PHF3: variants seen among roughly 807,000 people sequenced by gnomAD.
PHF3 encodes PHD finger protein 3.
A neutral mutation model predicts 178.4 loss-of-function variants in PHF3; 41 were observed. That is an observed-to-expected ratio of 0.23 (90% CI 0.18 to 0.30). The LOEUF is 0.30. Ranked by LOEUF, PHF3 falls within the 10% of genes least tolerant of loss-of-function variation. PHF3 has a pLI of 1.00. For missense variants in PHF3, 2,346 were observed against 2,398.1 expected, an observed-to-expected ratio of 0.98 and a Z score of 0.45; for synonymous variants, 842 against 800.5, an observed-to-expected ratio of 1.05 and a Z score of -0.88.
At chr6:63,688,689 T>A (rs1582083939) in intron 4 of PHF3, among the ~76,000 whole-genome samples, 1 of 152,230 alleles carries the variant, frequency 6.6e-6, no homozygotes, top group Middle Eastern at 3.4e-3. Flanking sequence ...TTCTACTACT[T>A]TGATACATTG....
At position 63,720,966 on chromosome 6, in the gene PHF3, A is replaced by G; in HGVS notation, c.*7258A>G. The G allele has an allele frequency of 6.4e-7, 1 of 1,551,374 alleles. No individual in the cohort carries two copies. Among genetic ancestry groups the G allele is most frequent in the East Asian group, 2.4e-5 (1 of 40,894 alleles). On this transcript the variant is annotated 3_prime_UTR_variant, in exon 16 of 16. Coordinates refer to ENST00000262043, the MANE Select transcript of PHF3 (RefSeq NM_001370348.2). ...CACAGAGATTCTTTCTCCCAAGTTA[A>G]CTGCTATTTTCAAGGTCTGATTATG...
At chr6:63,703,332 A>T (rs925521859) in intron 10 of PHF3, among the ~76,000 whole-genome samples, 8 of 152,160 alleles carry the variant, frequency 5.3e-5, no homozygotes, top group Non-Finnish European at 8.8e-5. Flanking sequence ...GGAATGTTTT[A>T]ATTTTTGCTC....
At position 63,646,598 on chromosome 6, in the gene PHF3, T is replaced by C. The variant is rs1764793472; in HGVS notation, c.47T>C (p.Leu16Ser). The C allele has an allele frequency of 6.2e-7, 1 of 1,613,200 alleles. No individual in the cohort carries two copies. The highest frequency in any genetic ancestry group is 1.7e-5 in the Admixed American group (1 of 59,994). ...AATCATTTAATTCCTACTGAACACT[T>C]AGATGATGCCCTATTTCTAGGATCC... is the stretch of plus-strand genomic sequence containing the variant. The part of the protein sequence containing the change: ...TFNHLIPTEH[L>S]DDALFLGSNL... Residue 16 changes from leucine to serine, a missense_variant, in exon 2 of 16, where the codon TTA becomes TCA. Leu to Ser is a moderately radical substitution (Grantham distance 145). Coordinates refer to ENST00000262043, the MANE Select transcript of PHF3 (RefSeq NM_001370348.2).
intron 8 of PHF3, among the ~76,000 whole-genome samples, chr6:63,699,506 A>G (rs560545755): frequency 9.9e-4 from 151 of 152,340 alleles, no homozygotes; most frequent in Non-Finnish European, 1.7e-3. Flanking sequence ...TTCTGCCATC[A>G]TGGTCCCGAG....
In PHF3 at chr6:63,723,877, A is replaced by G. The variant is rs1768510491; in HGVS notation, c.*10169A>G. ...TGCTCTGTCCCCCAAGCTGGAGTGC[A>G]ATGGTGCAATCTCGGCTCACTGCAA... is the stretch of plus-strand genomic sequence containing the variant. On this transcript the variant is annotated 3_prime_UTR_variant, in exon 16 of 16. Transcript: ENST00000262043. Among the ~76,000 whole-genome samples, 1 of 150,990 alleles carries G rather than the reference A, an allele frequency of 6.6e-6. No individual in the cohort carries two copies. The highest frequency in any genetic ancestry group is 6.6e-5 in the Admixed American group (1 of 15,168).
At chr6:63,695,903 A>G (rs930697811) in intron 6 of PHF3, among the ~76,000 whole-genome samples, 4 of 152,198 alleles carry the variant, frequency 2.6e-5, no homozygotes, top group Non-Finnish European at 4.4e-5. Flanking sequence ...TGAGATTCCT[A>G]TTAGACATCG....
intron 9 of PHF3, 44 bp downstream of exon 9, chr6:63,700,510 T>A: frequency 9.3e-7 from 1 of 1,074,866 alleles, no homozygotes; most frequent in Non-Finnish European, 1.4e-6. Flanking sequence ...AAAATCTATG[T>A]TTTTCAGCCA....
In PHF3 at chr6:63,721,343, AG is replaced by A; in HGVS notation, c.*7636del. ...AATCTGGCAAACATCTGCAAGAAAA[AG>A]TTGTGCCATTTACTGTACATTCACC... is the stretch of plus-strand genomic sequence containing the variant. On this transcript the variant is annotated 3_prime_UTR_variant, in exon 16 of 16. Transcript: ENST00000262043. 1 of 1,551,956 alleles carries A rather than the reference AG, an allele frequency of 6.4e-7. No homozygotes were observed. The highest frequency in any genetic ancestry group is 8.7e-7 in the Non-Finnish European group (1 of 1,146,990).
At position 63,717,445 on chromosome 6, in the gene PHF3, A is replaced by G. The variant is rs1768224777; in HGVS notation, c.*3737A>G. Among the ~76,000 whole-genome samples, 1 of 152,116 alleles carries G rather than the reference A, an allele frequency of 6.6e-6. No individual in the cohort carries two copies. The highest frequency in any genetic ancestry group is 2.4e-5 in the African/African-American group (1 of 41,452). On this transcript the variant is annotated 3_prime_UTR_variant, in exon 16 of 16. Coordinates refer to ENST00000262043, the MANE Select transcript of PHF3 (RefSeq NM_001370348.2). ...ACAATCAGGTTTATTTCTGTCTCTT[A>G]AAGCAAATTGCAAATAAAATTGGTT...
At position 63,685,115 on chromosome 6, in the gene PHF3, G is replaced by A. The variant is rs760949714; in HGVS notation, c.1393G>A (p.Ala465Thr). The change falls in exon 4 of 16, where the codon GCA becomes ACA. Residue 465 changes from alanine to threonine, a missense_variant. By Grantham distance (58) the Ala-to-Thr change is moderately conservative. Coordinates refer to ENST00000262043, the MANE Select transcript of PHF3 (RefSeq NM_001370348.2). ...TACTAAAATAGAGTCCCATGAAACA[G>A]CAAACCTTCAGGATGACAGAAACAG... ...ESTKIESHET[A>T]NLQDDRNSQS... 1 of 1,613,998 alleles carries A rather than the reference G, an allele frequency of 6.2e-7. No homozygotes were observed.
chr6:63,717,423 A>G lies in PHF3; in HGVS notation c.*3715A>G, dbSNP rs189305110. On this transcript the variant is annotated 3_prime_UTR_variant, in exon 16 of 16. Transcript: ENST00000262043. ...ATGACTACAAAGAACTATATACACA[A>G]TCAGGTTTATTTCTGTCTCTTAAAG... 1.3e-5 allele frequency among the ~76,000 whole-genome samples: 2 copies of G among 152,180 alleles called. No homozygotes were observed. The highest frequency in any genetic ancestry group is 3.9e-4 in the East Asian group (2 of 5,188).
intron 1 of PHF3, among the ~76,000 whole-genome samples, chr6:63,638,236 A>G (rs1764431095): frequency 6.6e-6 from 1 of 152,120 alleles, no homozygotes; most frequent in Admixed American, 6.5e-5. Flanking sequence ...GACTTATGTA[A>G]TGTATTACTT....
rs536788112 is a variant in PHF3 at position 63,720,683 on chromosome 6, TACA to T, written c.*6979_*6981del. ...CAATGTTTTTTGGTTCCTGAAAAAATACAACATCTTTAATTTTGCCAACAAAAT... is the reference window on the plus strand; with the variant it reads ...CAATGTTTTTTGGTTCCTGAAAAAATACATCTTTAATTTTGCCAACAAAAT... On this transcript the variant is annotated 3_prime_UTR_variant, in exon 16 of 16. Coordinates refer to ENST00000262043, the MANE Select transcript of PHF3 (RefSeq NM_001370348.2). The T allele has an allele frequency of 6.0e-4, 923 of 1,547,232 alleles. 2 individuals are homozygous for T. In the African/African-American group the frequency reaches 0.011, roughly 19 times the overall value.
chr6:63,665,520 T>C (rs1024447882), intron 2 of PHF3, among the ~76,000 whole-genome samples: 5 of 142,852 alleles, frequency 3.5e-5, no homozygotes, highest in African/African-American at 1.3e-4. Flanking sequence ...AGAGTCTTGC[T>C]CTGTTGCCCA....
At chr6:63,637,362 G>T (rs1455139074) in intron 1 of PHF3, among the ~76,000 whole-genome samples, 1 of 152,164 alleles carries the variant, frequency 6.6e-6, no homozygotes, top group African/African-American at 2.4e-5. Context: ...ATTCCTGAAT[G>T]AAGTGTTTGG....
rs1220718423 is a variant in PHF3 at position 63,717,033 on chromosome 6, G to A, written c.*3325G>A. On this transcript the variant is annotated 3_prime_UTR_variant, in exon 16 of 16. Transcript: ENST00000262043. The stretch of plus-strand genomic sequence containing the variant: ...ACCAACAGCCCTTGACTTACTAATT[G>A]TAGTTTATTGTGGGTGAATTAATCT... 1.3e-5 allele frequency among the ~76,000 whole-genome samples: 2 copies of A among 152,038 alleles called. No individual in the cohort carries two copies. The highest frequency in any genetic ancestry group is 3.9e-4 in the East Asian group (2 of 5,188).
At chr6:63,663,248 G>A (rs1186020820) in intron 2 of PHF3, among the ~76,000 whole-genome samples, 5 of 152,092 alleles carry the variant, frequency 3.3e-5, no homozygotes, top group African/African-American at 7.2e-5. Flanking sequence ...TGATTCTTAC[G>A]GGATCTCAAG....
intron 6 of PHF3, among the ~76,000 whole-genome samples, chr6:63,697,752 C>G (rs1209259191): frequency 3.9e-5 from 6 of 152,146 alleles, no homozygotes; most frequent in Non-Finnish European, 8.8e-5. Flanking sequence ...TGAGGAGATT[C>G]TAGAATAAAT....
In PHF3 at chr6:63,700,345, T is replaced by A. The variant is rs1767420173; in HGVS notation, c.2983-5T>A. 7.1e-7 allele frequency: 1 copy of A among 1,401,012 alleles called. No individual in the cohort carries two copies. The highest frequency in any genetic ancestry group is 1.4e-5 in the African/African-American group (1 of 70,332). 86.8% of individuals were successfully genotyped at this position (1,401,012 alleles called of 1,614,324 possible). ...CCTTCTATTCCTATTTTAAAATCCTTCCAGATATTATTTAAAAAAGTACTG... is the reference window on the plus strand; with the variant it reads ...CCTTCTATTCCTATTTTAAAATCCTACCAGATATTATTTAAAAAAGTACTG... On this transcript the variant is annotated splice_polypyrimidine_tract_variant and splice_region_variant and intron_variant, in intron 8 of 15. Coordinates refer to ENST00000262043, the MANE Select transcript of PHF3 (RefSeq NM_001370348.2).
Sources: allele counts gnomAD v4.1 joint callset (sites outside exome capture counted in the v4.1 genomes callset), GRCh38; gene constraint gnomAD v4.1.1; transcripts MANE v1.5; gene names NCBI Gene and HGNC (gene_info 2026-07-23, HGNC 2026-07-21).